Variants in DHX29 observed in about 807,000 individuals in gnomAD.
DHX29 encodes the protein ATP-dependent RNA helicase DHX29.
A neutral mutation model predicts 167.9 loss-of-function variants in DHX29; 79 were observed. That is an observed-to-expected ratio of 0.47 (90% CI 0.39 to 0.57). The LOEUF is 0.57. Ranked by LOEUF, DHX29 falls within the 20% of genes least tolerant of loss-of-function variation. The pLI is 0.00. For synonymous variants in DHX29, 530 were observed against 546.0 expected (o/e 0.97, Z 0.41); for missense variants, 1,347 against 1,593.4 (o/e 0.85, Z 2.63).
At chr5:55,288,194 G>C (rs887115556) in intron 8 of DHX29, among the ~76,000 whole-genome samples, 1 of 151,904 alleles carries the variant, frequency 6.6e-6, no homozygotes, top group East Asian at 1.9e-4. Context: ...AGTGAGCTGA[G>C]ATAATGCCAT....
At position 55,283,828 on chromosome 5, in the gene DHX29, G is replaced by A. The variant is rs760732003; in HGVS notation, c.1357-17C>T. The A allele has an allele frequency of 2.6e-6, 4 of 1,541,704 alleles. No homozygotes were observed. The highest frequency in any genetic ancestry group is 1.3e-5 in the South Asian group (1 of 78,168). ...ATGAACTGACTAAAGGAAAAACAGA[G>A]GTATGTTATTTTCACTAACTATTCA... On this transcript the variant is annotated splice_polypyrimidine_tract_variant and intron_variant, in intron 10 of 26. Coordinates refer to ENST00000251636, the MANE Select transcript of DHX29 (RefSeq NM_019030.4).
rs548943005 is a variant in DHX29, at chr5:55,283,683, A to G, written c.1485T>C (p.Leu495=). 1.9e-6 allele frequency: 3 copies of G among 1,614,058 alleles called. No individual in the cohort carries two copies. In the East Asian group the frequency reaches 6.7e-5, roughly 36 times the overall value. The part of the protein sequence containing the change: ...NKPRDLFIAK[L]LNKLKQQQQQ... ...GTTGCTGCTGTTTCAGTTTATTCAG[A>G]AGTTTGGCAATAAAAAGATCACGTG... The change falls in exon 11 of 27, where the codon CTT becomes CTC. Residue 495 remains leucine (L), a synonymous_variant. Transcript: ENST00000251636.
At position 55,267,252 on chromosome 5, in the gene DHX29, T is replaced by G. The variant is rs374561156; in HGVS notation, c.3432-21A>C. The G allele has an allele frequency of 6.4e-6, 10 of 1,564,568 alleles. No individual in the cohort carries two copies. In the African/African-American group the frequency reaches 1.1e-4, roughly 17 times the overall value. On this transcript the variant is annotated intron_variant, in intron 22 of 26. Transcript: ENST00000251636. ...TCCATCTAGATAAATAAAATGTCAA[T>G]TAATGAATAAAGTTCACCATGTTCT...
chr5:55,294,089 A>G lies in DHX29; in HGVS notation c.708T>C (p.Tyr236=), dbSNP rs372451876. 1.9e-6 allele frequency: 3 copies of G among 1,606,906 alleles called. No individual in the cohort carries two copies. Among genetic ancestry groups the G allele is most frequent in the Admixed American group, 1.7e-5 (1 of 59,578 alleles). Reference sequence around the variant, plus strand: ...TTTCTTCTTCATTTTGTTGTTCAGCATATCGTAAAATCCACTCTTTCATAT... The same window carrying G: ...TTTCTTCTTCATTTTGTTGTTCAGCGTATCGTAAAATCCACTCTTTCATAT... ...EVNMKEWILR[Y]AEQQNEEEKN... The change falls in exon 6 of 27, where the codon TAT becomes TAC. Residue 236 remains tyrosine, a synonymous_variant. Coordinates refer to ENST00000251636, the MANE Select transcript of DHX29 (RefSeq NM_019030.4).
At position 55,283,204 on chromosome 5, in the gene DHX29, C is replaced by T. The variant is rs749402748; in HGVS notation, c.1964G>A (p.Arg655Lys). The T allele has an allele frequency of 1.6e-5, 25 of 1,577,264 alleles. No individual in the cohort carries two copies. The African/African-American group carries it at 2.8e-4, about 18-fold the overall frequency. ...AGGTGGAGTTGAATGACAGCTTACC[C>T]TTCCTCCAGGTCCATTTTCACAGCC... is the stretch of plus-strand genomic sequence containing the variant. ...ELGCENGPGG[R>K]NSLCGYQIRM... is the part of the protein sequence containing the mutation. The change falls in exon 11 of 27, where the codon AGG (arginine) becomes AAG (lysine). Residue 655 changes from arginine to lysine, a missense_variant and splice_region_variant. Arg to Lys is a conservative substitution (Grantham distance 26). Around this residue, in one of 3 missense-constraint regions of DHX29, gnomAD observed 882 missense variants for 1,082.4 expected, o/e 0.81. Coordinates refer to ENST00000251636, the MANE Select transcript of DHX29 (RefSeq NM_019030.4).
At chr5:55,296,718 C>A (rs1748341666) in intron 3 of DHX29, among the ~76,000 whole-genome samples, 1 of 152,128 alleles carries the variant, frequency 6.6e-6, no homozygotes, top group Non-Finnish European at 1.5e-5. Flanking sequence ...TAATATTCCA[C>A]TGGGTGGACA....
At position 55,270,582 on chromosome 5, in the gene DHX29, C is replaced by A. The variant is rs779568031; in HGVS notation, c.2989G>T (p.Glu997Ter). The A allele has an allele frequency of 1.9e-6, 3 of 1,614,146 alleles. No individual in the cohort carries two copies. In the Admixed American group the frequency reaches 5.0e-5, roughly 27 times the overall value. Residue 997 changes from glutamate to a stop codon, truncating the protein, a stop_gained, in exon 19 of 27, where the codon GAA (glutamate) becomes TAA (stop). Transcript: ENST00000251636. LOFTEE classifies it high-confidence loss of function. ...DGFCFRMYTR[E>*]RFEGFMDYSV... is the part of the protein sequence containing the mutation. ...ATTTCCAGTGCTATGCCATACCTTT[C>A]TCTTGTGTACATTCGGAAACAGAAG...
In DHX29 at chr5:55,283,767, C is replaced by G. The variant is rs1747569921; in HGVS notation, c.1401G>C (p.Leu467=). 6.2e-7 allele frequency: 1 copy of G among 1,609,852 alleles called. No individual in the cohort carries two copies. Among genetic ancestry groups the G allele is most frequent in the African/African-American group, 1.3e-5 (1 of 74,652 alleles). The change falls in exon 11 of 27, where the codon CTG becomes CTC. Residue 467 remains leucine, a synonymous_variant. Transcript: ENST00000251636. The part of the protein sequence containing the change: ...LLPPTYRDVW[L]EWSDAEKKRE... The stretch of plus-strand genomic sequence containing the variant: ...TTTTCTTTTCTGCATCACTCCACTC[C>G]AGCCAAACATCTCGGTAAGTGGGAG...
rs150941078 is a variant in DHX29 at position 55,290,268 on chromosome 5, T to G, written c.857A>C (p.Asn286Thr). Residue 286 changes from asparagine to threonine, a missense_variant, in exon 7 of 27, where the codon AAC (asparagine) becomes ACC (threonine). By Grantham distance (65) the Asn-to-Thr change is moderately conservative (BLOSUM62 0). Around this residue, in one of 3 missense-constraint regions of DHX29, gnomAD observed 405 missense variants for 416.8 expected, o/e 0.97. Transcript: ENST00000251636. ...EQAATFKLEK[N>T]KQGQKEAQEK... is the part of the protein sequence containing the mutation. ...CTGAGCCTCTTTTTGGCCTTGCTTG[T>G]TTTTTTCTAGTTTAAAGGTAGCTGC... is the stretch of plus-strand genomic sequence containing the variant. 5 of 1,612,224 alleles carry G rather than the reference T, an allele frequency of 3.1e-6. No individual in the cohort carries two copies. Among genetic ancestry groups the G allele is most frequent in the African/African-American group, 1.3e-5 (1 of 74,916 alleles).
In DHX29 at chr5:55,307,638, G is replaced by A; in HGVS notation, c.-65C>T. ...CGACGGTACCACTGCACAGCCGAGA[G>A]CTCTTCACATTCCCCGGCTCCGGGG... is the stretch of plus-strand genomic sequence containing the variant. On this transcript the variant is annotated 5_prime_UTR_variant, in exon 1 of 27. Transcript: ENST00000251636. 4 of 1,574,554 alleles carry A rather than the reference G, an allele frequency of 2.5e-6. No individual in the cohort carries two copies. The highest frequency in any genetic ancestry group is 2.6e-6 in the Non-Finnish European group (3 of 1,159,732).
intron 23 of DHX29, among the ~76,000 whole-genome samples, chr5:55,265,285 A>G (rs943905097): frequency 4.0e-5 from 6 of 150,590 alleles, no homozygotes; most frequent in African/African-American, 1.2e-4. Context: ...ATGAAAAGCC[A>G]GTGGGGAATT....
chr5:55,303,411 G>A (rs1239368706), intron 1 of DHX29, among the ~76,000 whole-genome samples: 2 of 152,172 alleles, frequency 1.3e-5, no homozygotes, highest in Non-Finnish European at 2.9e-5. Flanking sequence ...CTAATACTCA[G>A]ATGAGTAATA....
rs1747570902 is a variant in DHX29 at position 55,283,788 on chromosome 5, G to A, written c.1380C>T (p.Pro460=). 6.2e-7 allele frequency: 1 copy of A among 1,601,892 alleles called. No individual in the cohort carries two copies. The highest frequency in any genetic ancestry group is 1.3e-5 in the African/African-American group (1 of 74,090). ...KGQSVHQLLP[P]TYRDVWLEWS... ...ACTCCAGCCAAACATCTCGGTAAGT[G>A]GGAGGAAGTAACTGATGAACTGACT... The change falls in exon 11 of 27, where the codon CCC becomes CCT. Residue 460 remains proline, a synonymous_variant. Coordinates refer to ENST00000251636, the MANE Select transcript of DHX29 (RefSeq NM_019030.4).
At position 55,261,424 on chromosome 5, in the gene DHX29, TATC is replaced by T; in HGVS notation, c.3901_3903del (p.Asp1301del). The T allele has an allele frequency of 6.4e-7, 1 of 1,572,054 alleles. No individual in the cohort carries two copies. The highest frequency in any genetic ancestry group is 8.8e-7 in the Non-Finnish European group (1 of 1,142,144). ...AGACGTTCTCGGTGCTGAACTTCTA[TATC>T]ACCACCAAAAAGTAAAACTGGAAAA... On this transcript the variant is annotated inframe_deletion, in exon 25 of 27. Coordinates refer to ENST00000251636, the MANE Select transcript of DHX29 (RefSeq NM_019030.4).
intron 17 of DHX29, 142 bp from the exon 18 acceptor site, chr5:55,272,317 C>T: frequency 1.7e-6 from 1 of 601,162 alleles, no homozygotes; most frequent in Non-Finnish European, 2.9e-6. Flanking sequence ...TTTGCTATTA[C>T]TGTGTAATTT....
rs1747921398 is a variant in DHX29, at chr5:55,289,428, TC to T, written c.908-1del. 1 of 1,525,122 alleles carries T rather than the reference TC, an allele frequency of 6.6e-7. No individual in the cohort carries two copies. The allele number at this position is 1,525,122 out of a possible 1,614,324, so 94.5% of individuals were successfully genotyped here. On this transcript the variant is annotated splice_acceptor_variant, in intron 7 of 26. Coordinates refer to ENST00000251636, the MANE Select transcript of DHX29 (RefSeq NM_019030.4). LOFTEE classifies it high-confidence loss of function. ...TGGATGGTCTTCTAAAGTTTCCATT[TC>T]TACCAAGAAAAAAATATAATGTTTA...
Position 55,261,418 on chromosome 5 carries a change from C to T in DHX29, c.3910G>A (p.Val1304Ile), listed in dbSNP as rs1561133245. 1.9e-6 allele frequency: 3 copies of T among 1,577,082 alleles called. No homozygotes were observed. The highest frequency in any genetic ancestry group is 2.6e-6 in the Non-Finnish European group (3 of 1,147,162). Reference protein sequence around the residue: ...PVLLFGGDIEVQHRERLLSID... With the variant: ...PVLLFGGDIEIQHRERLLSID... The stretch of plus-strand genomic sequence containing the variant: ...GAAAGAAGACGTTCTCGGTGCTGAA[C>T]TTCTATATCACCACCAAAAAGTAAA... The change falls in exon 25 of 27, where the codon GTT becomes ATT. Residue 1304 changes from valine to isoleucine, a missense_variant. Physicochemically the swap from Val to Ile is conservative, Grantham distance 29 (BLOSUM62 3). Around this residue, in one of 3 missense-constraint regions of DHX29, gnomAD observed 882 missense variants for 1,082.4 expected, o/e 0.81. Coordinates refer to ENST00000251636, the MANE Select transcript of DHX29 (RefSeq NM_019030.4).
chr5:55,277,409 G>T (rs139201946), intron 12 of DHX29, 127 bp from the exon 13 acceptor site: 7 of 542,664 alleles, frequency 1.3e-5, no homozygotes, highest in Non-Finnish European at 2.2e-5. Flanking sequence ...GTACATGTGC[G>T]GGGAGGGAGA....
At chr5:55,300,390 T>C (rs1748539170) in intron 1 of DHX29, among the ~76,000 whole-genome samples, 1 of 144,502 alleles carries the variant, frequency 6.9e-6, no homozygotes, top group African/African-American at 2.6e-5. Context: ...ATAATAATAA[T>C]AGGCCAGGTG....
Sources: gnomAD v4.1 joint callset for allele counts (sites outside exome capture counted in the v4.1 genomes callset) on GRCh38, gnomAD v4.1.1 for gene constraint, gnomAD v4.1.1 regional missense constraint, MANE v1.5 for transcripts, NCBI Gene and HGNC (gene_info 2026-07-23, HGNC 2026-07-21) for gene names.